The following PCDHGA1 variants were observed in gnomAD, a reference collection of about 807,000 sequenced individuals.
The protein encoded by PCDHGA1 is protocadherin gamma subfamily A, 1, also known as protocadherin gamma-A1.
PCDHGA1 carries 32 observed loss-of-function variants against 58.0 expected under a neutral mutation model. The observed-to-expected ratio is 0.55, with a 90% CI of 0.42 to 0.74. The LOEUF is 0.74. Among genes scored for constraint, PCDHGA1 ranks in the 30% least tolerant of loss-of-function variants. The probability of loss-of-function intolerance (pLI) is 0.00; values close to 1 mark genes in which losing one functional copy is unlikely to be tolerated. For synonymous variants in PCDHGA1, 498 were observed against 501.1 expected, an observed-to-expected ratio of 0.99 and a Z score of 0.08; for missense variants, 1,205 against 1,182.3, an observed-to-expected ratio of 1.02 and a Z score of -0.28.
At chr5:141,463,650 A>C (rs1206605758) in intron 1 of PCDHGA1, among the ~76,000 whole-genome samples, 1 of 151,746 alleles carries the variant, frequency 6.6e-6, no homozygotes, top group Non-Finnish European at 1.5e-5. Flanking sequence ...ACGGGGTTTC[A>C]CCGTGTTAGC....
intron 1 of PCDHGA1, among the ~76,000 whole-genome samples, chr5:141,448,975 T>C (rs888432093): frequency 6.6e-6 from 1 of 151,970 alleles, no homozygotes; most frequent in African/African-American, 2.4e-5. Flanking sequence ...AAAAAAGAAC[T>C]TCCATATTAA....
At chr5:141,451,484 G>A (rs2098717067) in intron 1 of PCDHGA1, among the ~76,000 whole-genome samples, 1 of 152,194 alleles carries the variant, frequency 6.6e-6, no homozygotes, top group Admixed American at 6.5e-5. Flanking sequence ...CTTGCCATGT[G>A]GACCTCCATA....
rs761264372 is a variant in PCDHGA1 at position 141,489,500 on chromosome 5, A to G, written c.2422-5307A>G. 12 of 1,614,112 alleles carry G rather than the reference A, an allele frequency of 7.4e-6. No individual in the cohort carries two copies. In the South Asian group the frequency reaches 1.3e-4, roughly 18 times the overall value. On this transcript the variant is annotated intron_variant, in intron 1 of 3. Coordinates refer to ENST00000517417, the MANE Select transcript of PCDHGA1 (RefSeq NM_018912.3). This position sits in a 1 kb window ranked among gnomAD's most constrained non-coding sequence, Gnocchi z 4.5. ...TTGATGAGTGGTGCCCTGGCAGTGA[A>G]TCAAAAGATTGACCGAGAAAGCCTA...
In PCDHGA1 at chr5:141,356,915, C is replaced by T. The variant is rs766171265; in HGVS notation, c.2421+23810C>T. 7.4e-6 allele frequency: 12 copies of T among 1,614,206 alleles called. No homozygotes were observed. In the South Asian group the frequency reaches 1.1e-4, roughly 15 times the overall value. ...TACCCCACCTTCCCTACTGATGGCT[C>T]CACTGGTGTGGAGCTGGCACCCCGC... On this transcript the variant is annotated intron_variant, in intron 1 of 3. Transcript: ENST00000517417.
intron 1 of PCDHGA1, among the ~76,000 whole-genome samples, chr5:141,386,156 G>A (rs3806832): frequency 0.081 from 12,379 of 152,152 alleles, 653 homozygotes; most frequent in African/African-American, 0.15. Context: ...ACTGTCTCAC[G>A]TACTCAAACC....
Position 141,332,774 on chromosome 5 carries a change from C to T in PCDHGA1, c.2090C>T (p.Ala697Val), listed in dbSNP as rs140634036. Residue 697 changes from alanine (A) to valine (V), a missense_variant, in exon 1 of 4, where the codon GCG becomes GTG. Coordinates refer to ENST00000517417, the MANE Select transcript of PCDHGA1 (RefSeq NM_018912.3). This position sits in a 1 kb window ranked among gnomAD's most constrained non-coding sequence, Gnocchi z 4.6. The stretch of plus-strand genomic sequence containing the variant: ...CTCACTCTGTACCTGGTGGTGGCGG[C>T]GGCCGCGGTCTCCTGCGTCTTCCTG... ...SDLTLYLVVA[A>V]AAVSCVFLAF... is the part of the protein sequence containing the mutation. 542 of 1,610,882 alleles carry T rather than the reference C, an allele frequency of 3.4e-4. 1 individual carries two copies. Among genetic ancestry groups the T allele is most frequent in the South Asian group, 8.6e-4 (78 of 91,064 alleles).
At chr5:141,450,565 C>T (rs1024229182) in intron 1 of PCDHGA1, among the ~76,000 whole-genome samples, 2 of 152,016 alleles carry the variant, frequency 1.3e-5, no homozygotes, top group Non-Finnish European at 2.9e-5. Context: ...CGGCTCACTG[C>T]AACTTCTGCC....
chr5:141,366,557 G>T lies in PCDHGA1; in HGVS notation c.2421+33452G>T, dbSNP rs376762797. On this transcript the variant is annotated intron_variant, in intron 1 of 3. Transcript: ENST00000517417. Reference sequence around the variant, plus strand: ...TGTGCCCGCCTCGCACTTTGTGGGCGTGGATGGGGTTCGGGCTTTCCTGCA... The same window carrying T: ...TGTGCCCGCCTCGCACTTTGTGGGCTTGGATGGGGTTCGGGCTTTCCTGCA... The T allele has an allele frequency of 3.5e-5, 56 of 1,614,268 alleles. No homozygotes were observed. In the African/African-American group the frequency reaches 4.3e-4, roughly 12 times the overall value.
intron 1 of PCDHGA1, among the ~76,000 whole-genome samples, chr5:141,461,980 C>G (rs759291534): frequency 9.2e-5 from 14 of 152,176 alleles, no homozygotes; most frequent in Non-Finnish European, 1.5e-4. Flanking sequence ...TATGCCACCA[C>G]GCCAGGCTAA....
intron 1 of PCDHGA1, chr5:141,344,018 A>T (rs1757350720): frequency 1.3e-6 from 2 of 1,518,764 alleles, no homozygotes; most frequent in South Asian, 2.7e-5. Flanking sequence ...AGAGAAAGCG[A>T]TTCACCGAAA....
intron 1 of PCDHGA1, among the ~76,000 whole-genome samples, chr5:141,472,071 A>G (rs1243864250): frequency 6.6e-6 from 1 of 152,200 alleles, no homozygotes. Context: ...GTCTGTGGTT[A>G]TATCAATGAG....
At chr5:141,348,930 T>A (rs945708240) in intron 1 of PCDHGA1, among the ~76,000 whole-genome samples, 1 of 152,238 alleles carries the variant, frequency 6.6e-6, no homozygotes, top group Non-Finnish European at 1.5e-5. Context: ...GAACCAAGAC[T>A]GGTTCTAAGC....
intron 1 of PCDHGA1, among the ~76,000 whole-genome samples, chr5:141,454,924 C>T (rs1252057038): frequency 6.7e-6 from 1 of 149,858 alleles, no homozygotes; most frequent in Non-Finnish European, 1.5e-5. Context: ...TCTCCTGCCT[C>T]AGCCTCCCGA....
At chr5:141,455,389 G>C (rs1190144149) in intron 1 of PCDHGA1, among the ~76,000 whole-genome samples, 1 of 152,114 alleles carries the variant, frequency 6.6e-6, no homozygotes, top group Non-Finnish European at 1.5e-5. Flanking sequence ...GAAGGAAGGA[G>C]CTCCCCCTTA....
chr5:141,376,919 C>T (rs1232247479), intron 1 of PCDHGA1: 1 of 173,284 alleles, frequency 5.8e-6, no homozygotes, highest in Non-Finnish European at 1.2e-5. Context: ...GATCTCCTGA[C>T]CTCATGATCC....
Position 141,491,405 on chromosome 5 carries a change from A to C in PCDHGA1, c.2422-3402A>C. 6.2e-7 allele frequency: 1 copy of C among 1,614,096 alleles called. No individual in the cohort carries two copies. Among genetic ancestry groups the C allele is most frequent in the Non-Finnish European group, 8.5e-7 (1 of 1,179,998 alleles). On this transcript the variant is annotated intron_variant, in intron 1 of 3. Coordinates refer to ENST00000517417, the MANE Select transcript of PCDHGA1 (RefSeq NM_018912.3). This position sits in a 1 kb window ranked among gnomAD's most constrained non-coding sequence, Gnocchi z 6.9. ...GCGAAGTGCCTTCAGGGAAACGCAG[A>C]CGGGGACGGGGGTGGAGGGCAGTGC... is the stretch of plus-strand genomic sequence containing the variant.
rs1464563296 is a variant in PCDHGA1 at position 141,343,919 on chromosome 5, C to A, written c.2421+10814C>A. The A allele has an allele frequency of 8.4e-6, 8 of 951,198 alleles. No homozygotes were observed. In the South Asian group the frequency reaches 1.7e-4, roughly 20 times the overall value. 58.9% of individuals were successfully genotyped at this position (951,198 alleles called of 1,614,324 possible). ...CCAACCTCACCTCTTAGTCAACCAG[C>A]TGTTTGACCTGTGAATTAGGCCCGT... is the stretch of plus-strand genomic sequence containing the variant. On this transcript the variant is annotated intron_variant, in intron 1 of 3. Coordinates refer to ENST00000517417, the MANE Select transcript of PCDHGA1 (RefSeq NM_018912.3).
intron 3 of PCDHGA1, among the ~76,000 whole-genome samples, chr5:141,509,732 C>T (rs931066969): frequency 3.9e-5 from 6 of 152,182 alleles, no homozygotes; most frequent in Non-Finnish European, 5.9e-5. Flanking sequence ...CTAGCTGTGG[C>T]ACTCTGAGCC....
At chr5:141,422,330 CTCT>C in intron 1 of PCDHGA1, 1 of 1,548,166 alleles carries the variant, frequency 6.5e-7, no homozygotes, top group East Asian at 2.2e-5. Context: ...ACAGTGATTG[CTCT>C]TCTAAATGTG....
Sources: gnomAD v4.1 joint callset for allele counts (sites outside exome capture counted in the v4.1 genomes callset) on GRCh38, gnomAD v4.1.1 for gene constraint, Gnocchi (gnomAD v3.1) non-coding constraint, MANE v1.5 for transcripts, NCBI Gene and HGNC (gene_info 2026-07-23, HGNC 2026-07-21) for gene names.